CEP70: variants seen among roughly 807,000 people sequenced by gnomAD.
CEP70 encodes the protein centrosomal protein of 70 kDa.
CEP70 carries 70 observed loss-of-function variants against 90.9 expected under a neutral mutation model. That is an observed-to-expected ratio of 0.77 (90% CI 0.64 to 0.94). CEP70 has a LOEUF of 0.94. Ranked by LOEUF, CEP70 falls within the 40% of genes least tolerant of loss-of-function variation. The pLI is 0.00. For synonymous variants in CEP70, 220 were observed against 228.3 expected, an observed-to-expected ratio of 0.96 and a Z score of 0.33; for missense variants, 648 against 669.0, an observed-to-expected ratio of 0.97 and a Z score of 0.35.
chr3:138,513,570 T>C (rs1335445123), intron 11 of CEP70, among the ~76,000 whole-genome samples: 1 of 152,176 alleles, frequency 6.6e-6, no homozygotes, highest in Non-Finnish European at 1.5e-5. Context: ...CCTGGTGCTA[T>C]TCCATAGGGA....
Position 138,510,326 on chromosome 3 carries a change from G to A in CEP70, c.945-1782C>T, listed in dbSNP as rs745634370. ...CGCATGCCTGTAGTCCCAGCTACTC[G>A]GGAGGCTGAGGCAAAAGAATCGCCT... On this transcript the variant is annotated intron_variant, in intron 11 of 17. Transcript: ENST00000264982. Among the ~76,000 whole-genome samples the A allele has an allele frequency of 4.6e-4, 70 of 151,974 alleles. 1 individual carries two copies. The highest frequency in any genetic ancestry group is 1.3e-3 in the African/African-American group (54 of 41,456).
chr3:138,559,211 A>C (rs2040223496), intron 6 of CEP70, among the ~76,000 whole-genome samples: 1 of 152,220 alleles, frequency 6.6e-6, no homozygotes, highest in African/African-American at 2.4e-5. Flanking sequence ...AGAAACATAA[A>C]GAATAAACAT....
rs929108106 is a variant in CEP70, at chr3:138,497,347, T to A, written c.1732+684A>T. 8 of 1,206,534 alleles carry A rather than the reference T, an allele frequency of 6.6e-6. No individual in the cohort carries two copies. In the African/African-American group the frequency reaches 9.6e-5, roughly 15 times the overall value. The allele number at this position is 1,206,534 out of a possible 1,614,324, so 74.7% of individuals were successfully genotyped here. On this transcript the variant is annotated intron_variant, in intron 17 of 17. Coordinates refer to ENST00000264982, the MANE Select transcript of CEP70 (RefSeq NM_024491.4). ...GCCATTCTTTAAAAAAAAAAAAAAA[T>A]CTTTCAAATGAGCTATACAGAAAAA...
chr3:138,532,614 AT>A, intron 7 of CEP70, 44 bp from the exon 8 acceptor site: 1 of 1,369,856 alleles, frequency 7.3e-7, no homozygotes, highest in Non-Finnish European at 9.7e-7. Flanking sequence ...GCGGTATGGT[AT>A]TACAGCATCT....
At chr3:138,519,948 CAG>C (rs2036448647) in intron 11 of CEP70, among the ~76,000 whole-genome samples, 1 of 152,132 alleles carries the variant, frequency 6.6e-6, no homozygotes, top group Non-Finnish European at 1.5e-5. Flanking sequence ...ATCTCACATG[CAG>C]AGACACACAT....
At chr3:138,521,032 A>G (rs1321838490) in intron 11 of CEP70, among the ~76,000 whole-genome samples, 1 of 151,416 alleles carries the variant, frequency 6.6e-6, no homozygotes, top group Non-Finnish European at 1.5e-5. Context: ...CTGCTCTCCA[A>G]CTCCTGACCT....
intron 6 of CEP70, among the ~76,000 whole-genome samples, chr3:138,540,481 A>T (rs1445141541): frequency 5.1e-4 from 15 of 29,340 alleles, no homozygotes; most frequent in East Asian, 3.2e-3. Context: ...AAGACTATGT[A>T]AAAAAAAAAA....
intron 12 of CEP70, among the ~76,000 whole-genome samples, chr3:138,506,994 C>T (rs904588075): frequency 5.3e-5 from 8 of 152,134 alleles, no homozygotes; most frequent in South Asian, 4.2e-4. Flanking sequence ...CCTCCTGCCT[C>T]GGTCACCCAA....
rs1368508128 is a variant in CEP70 at position 138,571,075 on chromosome 3, C to G, written c.243G>C (p.Gln81His). 1 of 1,602,744 alleles carries G rather than the reference C, an allele frequency of 6.2e-7. No individual in the cohort carries two copies. The highest frequency in any genetic ancestry group is 2.2e-5 in the East Asian group (1 of 44,640). Reference protein sequence around the residue: ...KLLVEETSCQQNMIQELIETN... With the variant: ...KLLVEETSCQHNMIQELIETN... ...TTTCTATAAGCTCCTGTATCATGTT[C>G]TGTTGACATGATGTTTCTTCCACCA... Residue 81 changes from glutamine to histidine, a missense_variant, in exon 5 of 18, where the codon CAG (glutamine) becomes CAC (histidine). Gln to His is a conservative substitution (Grantham distance 24). Coordinates refer to ENST00000264982, the MANE Select transcript of CEP70 (RefSeq NM_024491.4).
chr3:138,560,789 C>G (rs2040351614), intron 6 of CEP70, among the ~76,000 whole-genome samples: 1 of 152,098 alleles, frequency 6.6e-6, no homozygotes, highest in Non-Finnish European at 1.5e-5. Context: ...CACAGCTCAG[C>G]AAGGCTGCTG....
intron 2 of CEP70, among the ~76,000 whole-genome samples, chr3:138,577,172 A>T (rs576233841): frequency 2.0e-5 from 3 of 152,168 alleles, no homozygotes; most frequent in African/African-American, 4.8e-5. Context: ...AGGAAGGGGA[A>T]CATCACACAC....
At chr3:138,542,441 G>A (rs757950309) in intron 6 of CEP70, among the ~76,000 whole-genome samples, 15 of 152,210 alleles carry the variant, frequency 9.9e-5, no homozygotes, top group Non-Finnish European at 1.3e-4. Context: ...CTTGTCACCC[G>A]CAGCGCAGCA....
chr3:138,540,943 G>T (rs577290402), intron 6 of CEP70, among the ~76,000 whole-genome samples: 1 of 152,300 alleles, frequency 6.6e-6, no homozygotes, highest in East Asian at 1.9e-4. Flanking sequence ...TCTTTTGCGA[G>T]AACATGGATG....
At chr3:138,535,107 A>T (rs973354763) in intron 7 of CEP70, among the ~76,000 whole-genome samples, 1 of 152,272 alleles carries the variant, frequency 6.6e-6, no homozygotes, top group Non-Finnish European at 1.5e-5. Context: ...GTTACAGCAC[A>T]CTTTCCATAT....
intron 6 of CEP70, among the ~76,000 whole-genome samples, chr3:138,564,688 G>A (rs914381049): frequency 4.6e-5 from 7 of 152,086 alleles, no homozygotes; most frequent in South Asian, 2.1e-4. Context: ...GGGATTGATC[G>A]AACGTATCTC....
At chr3:138,508,620 T>C in intron 11 of CEP70, 76 bp from the exon 12 acceptor site, 1 of 913,012 alleles carries the variant, frequency 1.1e-6, no homozygotes. Flanking sequence ...ACTAAGTCAA[T>C]GATCCAGCCA....
At chr3:138,586,296 T>C (rs2042101636) in intron 2 of CEP70, among the ~76,000 whole-genome samples, 1 of 152,154 alleles carries the variant, frequency 6.6e-6, no homozygotes, top group South Asian at 2.1e-4. Context: ...TAGCTGGGAT[T>C]ATAGGCACAT....
chr3:138,529,511 A>G (rs2037618845), intron 8 of CEP70, 49 bp from the exon 9 acceptor site: 1 of 1,136,428 alleles, frequency 8.8e-7, no homozygotes, highest in Non-Finnish European at 1.3e-6. Context: ...ATCTTCAAAG[A>G]AAAAAACTAA....
In CEP70 at chr3:138,494,881, G is replaced by T; in HGVS notation, c.*134C>A. ...AATAAAAATTATACAGATGAAGAAT[G>T]ACCTAATACTAAGAAGGGGATGAAT... is the stretch of plus-strand genomic sequence containing the variant. On this transcript the variant is annotated 3_prime_UTR_variant, in exon 18 of 18. Coordinates refer to ENST00000264982, the MANE Select transcript of CEP70 (RefSeq NM_024491.4). The T allele has an allele frequency of 1.7e-6, 1 of 586,176 alleles. No homozygotes were observed. 36.3% of individuals were successfully genotyped at this position (586,176 alleles called of 1,614,324 possible).
Sources: allele counts gnomAD v4.1 joint callset (sites outside exome capture counted in the v4.1 genomes callset), GRCh38; gene constraint gnomAD v4.1.1; transcripts MANE v1.5; gene names NCBI Gene and HGNC (gene_info 2026-07-23, HGNC 2026-07-21).